The following NOS1AP variants were observed in gnomAD, a reference collection of about 807,000 sequenced individuals.
NOS1AP encodes carboxyl-terminal PDZ ligand of neuronal nitric oxide synthase protein.
A neutral mutation model predicts 56.2 loss-of-function variants in NOS1AP; 21 were observed. The observed-to-expected ratio is 0.37, with a 90% CI of 0.26 to 0.54. The LOEUF is 0.54. NOS1AP is among the 20% of genes least tolerant of loss of function. The pLI is 0.84. For synonymous variants in NOS1AP, 270 were observed against 274.6 expected (o/e 0.98, Z 0.17); for missense variants, 522 against 657.8 (o/e 0.79, Z 2.26).
chr1:162,308,350 G>A (rs1339688626), intron 4 of NOS1AP, among the ~76,000 whole-genome samples: 1 of 152,158 alleles, frequency 6.6e-6, no homozygotes, highest in African/African-American at 2.4e-5. Flanking sequence ...GTGGGTAAGA[G>A]ACATAGAGTA....
At chr1:162,231,132 A>G (rs1318035566) in intron 2 of NOS1AP, among the ~76,000 whole-genome samples, 1 of 152,230 alleles carries the variant, frequency 6.6e-6, no homozygotes, top group Non-Finnish European at 1.5e-5. Flanking sequence ...GTTTCTCCAC[A>G]TCCTTGCCAA....
intron 8 of NOS1AP, among the ~76,000 whole-genome samples, chr1:162,357,555 G>T (rs1657744144): frequency 6.7e-6 from 1 of 148,484 alleles, no homozygotes; most frequent in Non-Finnish European, 1.5e-5. Flanking sequence ...ATGAATTTGT[G>T]CCAAACACTG....
At chr1:162,197,603 C>T (rs977017421) in intron 2 of NOS1AP, among the ~76,000 whole-genome samples, 2 of 152,172 alleles carry the variant, frequency 1.3e-5, no homozygotes, top group East Asian at 1.9e-4. Flanking sequence ...GCCTGGAACA[C>T]AGTCTGGAAG....
intron 8 of NOS1AP, 39 bp from the exon 9 acceptor site, chr1:162,365,365 C>G: frequency 6.2e-7 from 1 of 1,613,726 alleles, no homozygotes; most frequent in Non-Finnish European, 8.5e-7. Flanking sequence ...CCTCTCTTCT[C>G]TCTGTCCTGT....
intron 1 of NOS1AP, among the ~76,000 whole-genome samples, chr1:162,140,746 A>T (rs1649199890): frequency 6.6e-6 from 1 of 152,160 alleles, no homozygotes. Flanking sequence ...TAGCTGGACT[A>T]ATTTATATTC....
rs56264198 is a variant in NOS1AP, at chr1:162,125,130, C to CTTTTTTTTTTTTTTTT, written c.106-29269_106-29254dup. On this transcript the variant is annotated intron_variant, in intron 1 of 9. Transcript: ENST00000361897. ...ATGCCAACATCTATTGTTTCTGACT[C>CTTTTTTTTTTTTTTTT]TTTTTTTTTTTTTTTTTTTTTAAGA... 1.9e-4 allele frequency among the ~76,000 whole-genome samples: 24 copies of CTTTTTTTTTTTTTTTT among 124,164 alleles called. 1 individual carries two copies. Among genetic ancestry groups the CTTTTTTTTTTTTTTTT allele is most frequent in the African/African-American group, 7.1e-4 (22 of 30,916 alleles). 81.5% of individuals were successfully genotyped at this position (124,164 alleles called of 152,430 possible).
At chr1:162,206,256 TA>T (rs55920537) in intron 2 of NOS1AP, among the ~76,000 whole-genome samples, 6,302 of 146,122 alleles carry the variant, frequency 0.043, 153 homozygotes, top group Middle Eastern at 0.062. Flanking sequence ...ATTTCTCTCT[TA>T]AAAAAAAAAA....
intron 3 of NOS1AP, among the ~76,000 whole-genome samples, chr1:162,288,483 C>A (rs1188837974): frequency 6.6e-6 from 1 of 152,102 alleles, no homozygotes; most frequent in Non-Finnish European, 1.5e-5. Context: ...AACCATATAG[C>A]TGAGAGAGAT....
At chr1:162,073,098 A>C (rs1366283419) in intron 1 of NOS1AP, among the ~76,000 whole-genome samples, 2 of 152,202 alleles carry the variant, frequency 1.3e-5, no homozygotes, top group African/African-American at 4.8e-5. Context: ...GGTTCTGTGC[A>C]CTTAAAAACC....
In NOS1AP at chr1:162,367,277, A is replaced by G. The variant is rs1658123922; in HGVS notation, c.1331A>G (p.Gln444Arg). Residue 444 changes from glutamine to arginine, a missense_variant, in exon 10 of 10, where the codon CAG becomes CGG. Physicochemically the swap from Gln to Arg is conservative, Grantham distance 43. Around this residue, in one of 4 missense-constraint regions of NOS1AP, gnomAD observed 160 missense variants for 180.3 expected, o/e 0.89. Coordinates refer to ENST00000361897, the MANE Select transcript of NOS1AP (RefSeq NM_014697.3). The surrounding 1 kb of genome is among the most constrained non-coding windows in gnomAD (Gnocchi z 6.5). ...CCCGAGGACACCCCGCCCCCAGCGC[A>G]GGGCGAGGCGCTCCTGGGCGGTCTG... ...LPPEDTPPPA[Q>R]GEALLGGLEL... 2 of 1,613,518 alleles carry G rather than the reference A, an allele frequency of 1.2e-6. No homozygotes were observed. Among genetic ancestry groups the G allele is most frequent in the Admixed American group, 1.7e-5 (1 of 59,994 alleles).
Position 162,069,980 on chromosome 1 carries a change from C to T in NOS1AP, c.-198C>T, listed in dbSNP as rs1691624732. ...ACCACAGCGCCGCTCGCGTCGCCCG[C>T]ATCAGCTCAGCCCGCTGCCGCTCGG... On this transcript the variant is annotated 5_prime_UTR_variant, in exon 1 of 10. Transcript: ENST00000361897. 3 of 306,566 alleles carry T rather than the reference C, an allele frequency of 9.8e-6. No individual in the cohort carries two copies. The highest frequency in any genetic ancestry group is 1.8e-5 in the Non-Finnish European group (3 of 166,188). The allele number at this position is 306,566 out of a possible 1,614,324, so 19.0% of individuals were successfully genotyped here. A position where few individuals can be genotyped will look rare whatever the true frequency, so the allele number is the denominator to read the frequency against.
intron 4 of NOS1AP, among the ~76,000 whole-genome samples, chr1:162,328,708 A>G (rs971407266): frequency 1.1e-4 from 16 of 152,362 alleles, no homozygotes; most frequent in Admixed American, 7.2e-4. Context: ...TGTCCCCCTC[A>G]GGGCCAGTGT....
At chr1:162,311,438 A>G (rs1211171600) in intron 4 of NOS1AP, among the ~76,000 whole-genome samples, 2 of 152,188 alleles carry the variant, frequency 1.3e-5, no homozygotes, top group Non-Finnish European at 2.9e-5. Flanking sequence ...GTTAATACCT[A>G]CAATGGATGA....
chr1:162,218,426 C>G (rs1238772671), intron 2 of NOS1AP, among the ~76,000 whole-genome samples: 1 of 152,170 alleles, frequency 6.6e-6, no homozygotes, highest in Non-Finnish European at 1.5e-5. Flanking sequence ...AACCAAGCCC[C>G]TTCGGTTATG....
chr1:162,187,007 C>T (rs114885200), intron 2 of NOS1AP, among the ~76,000 whole-genome samples: 1 of 152,044 alleles, frequency 6.6e-6, no homozygotes, highest in African/African-American at 2.4e-5. Context: ...CACTTTGTCA[C>T]CCAGGCTGTA....
chr1:162,302,344 A>T (rs1270261137), intron 4 of NOS1AP, among the ~76,000 whole-genome samples: 1 of 152,208 alleles, frequency 6.6e-6, no homozygotes, highest in East Asian at 1.9e-4. Context: ...GAAAATTAAC[A>T]TAAGTGTTAT....
At chr1:162,235,761 C>T (rs911915961) in intron 2 of NOS1AP, among the ~76,000 whole-genome samples, 1 of 152,210 alleles carries the variant, frequency 6.6e-6, no homozygotes, top group African/African-American at 2.4e-5. Context: ...TCTCTTGGTC[C>T]ACATGGGGCC....
intron 1 of NOS1AP, among the ~76,000 whole-genome samples, chr1:162,134,177 T>C (rs1029903419): frequency 1.3e-5 from 2 of 152,054 alleles, no homozygotes; most frequent in African/African-American, 4.8e-5. Context: ...TAAGCCCTGG[T>C]ATAATGGATA....
At chr1:162,110,873 C>G (rs1178581483) in intron 1 of NOS1AP, among the ~76,000 whole-genome samples, 1 of 152,190 alleles carries the variant, frequency 6.6e-6, no homozygotes, top group Non-Finnish European at 1.5e-5. Context: ...AATAGTAGAG[C>G]CAGGATTTGA....
Sources: gnomAD v4.1 joint callset for allele counts (sites outside exome capture counted in the v4.1 genomes callset) on GRCh38, gnomAD v4.1.1 for gene constraint, gnomAD v4.1.1 regional missense constraint, Gnocchi (gnomAD v3.1) non-coding constraint, MANE v1.5 for transcripts, NCBI Gene and HGNC (gene_info 2026-07-23, HGNC 2026-07-21) for gene names.